Variants in GRM8 observed in about 807,000 individuals in gnomAD.
GRM8 encodes the protein metabotropic glutamate receptor 8.
A neutral mutation model predicts 87.2 loss-of-function variants in GRM8; 47 were observed. The ratio of observed to expected loss-of-function variants is 0.54; its 90% CI spans 0.43 to 0.69. The LOEUF (loss-of-function observed/expected upper bound fraction) is 0.69. GRM8 is among the 30% of genes least tolerant of loss of function. GRM8 has a pLI of 0.00. For missense variants in GRM8, 1,019 were observed against 1,139.2 expected, an observed-to-expected ratio of 0.89 and a Z score of 1.52; for synonymous variants, 396 against 404.5, an observed-to-expected ratio of 0.98 and a Z score of 0.25.
chr7:126,714,815 G>GAT (rs1453707895), intron 7 of GRM8, among the ~76,000 whole-genome samples: 3 of 151,684 alleles, frequency 2.0e-5, no homozygotes, highest in Admixed American at 6.6e-5. Context: ...TATTTTATAT[G>GAT]ATATATATGT....
chr7:126,674,848 T>G (rs1050657902), intron 7 of GRM8, among the ~76,000 whole-genome samples: 5 of 152,136 alleles, frequency 3.3e-5, no homozygotes, highest in Non-Finnish European at 7.4e-5. Flanking sequence ...GAATCAGAAT[T>G]CTGGTCACAT....
At chr7:127,072,910 A>T (rs1368451458) in intron 3 of GRM8, among the ~76,000 whole-genome samples, 1 of 151,910 alleles carries the variant, frequency 6.6e-6, no homozygotes, top group Non-Finnish European at 1.5e-5. Context: ...AGGCACCAGG[A>T]GAGACAAAGC....
chr7:126,601,074 C>T (rs1797701970), intron 8 of GRM8, among the ~76,000 whole-genome samples: 1 of 149,030 alleles, frequency 6.7e-6, no homozygotes, highest in Non-Finnish European at 1.5e-5. Context: ...AATGCTATCC[C>T]TCTCCCCTCC....
chr7:126,916,688 C>T (rs73723525), intron 3 of GRM8, among the ~76,000 whole-genome samples: 2,610 of 152,288 alleles, frequency 0.017, 66 homozygotes, highest in African/African-American at 0.059. Flanking sequence ...TCAACAGATA[C>T]AGTGGCTGAG....
rs1288839999 is a variant in GRM8 at position 126,566,659 on chromosome 7, C to T, written c.1495-32772G>A. Among the ~76,000 whole-genome samples the T allele has an allele frequency of 2.6e-5, 4 of 152,060 alleles. No homozygotes were observed. In the East Asian group the frequency reaches 7.7e-4, roughly 29 times the overall value. ...GGTAAAAATAGAACTACCCCATGAC[C>T]CAGCAGTCTCCCTTCTGAGTATTTA... On this transcript the variant is annotated intron_variant, in intron 8 of 10. Coordinates refer to ENST00000339582, the MANE Select transcript of GRM8 (RefSeq NM_000845.3).
chr7:126,864,120 C>A (rs989428865), intron 6 of GRM8, among the ~76,000 whole-genome samples: 17 of 150,508 alleles, frequency 1.1e-4, no homozygotes, highest in African/African-American at 4.2e-4. Flanking sequence ...ATCCTCCTGC[C>A]TCAGCCTCCC....
rs551879546 is a variant in GRM8, at chr7:126,659,060, A to G, written c.1358-49562T>C. ...CCCCCCGCCCCGCCCCCAGGTTCAG[A>G]GGCCTAAGTAAACTAACTTACCTTG... On this transcript the variant is annotated intron_variant, in intron 7 of 10. Coordinates refer to ENST00000339582, the MANE Select transcript of GRM8 (RefSeq NM_000845.3). 3.0e-5 allele frequency among the ~76,000 whole-genome samples: 4 copies of G among 132,232 alleles called. No homozygotes were observed. In the South Asian group the frequency reaches 8.6e-4, roughly 28 times the overall value. 86.7% of individuals were successfully genotyped at this position (132,232 alleles called of 152,430 possible).
intron 3 of GRM8, among the ~76,000 whole-genome samples, chr7:126,970,285 A>T (rs763809923): frequency 6.6e-6 from 1 of 152,166 alleles, no homozygotes; most frequent in Non-Finnish European, 1.5e-5. Flanking sequence ...AACATCTTCC[A>T]ATAGAAGGCT....
At position 126,797,151 on chromosome 7, in the gene GRM8, T is replaced by C. The variant is rs552941665; in HGVS notation, c.1157-27086A>G. On this transcript the variant is annotated intron_variant, in intron 6 of 10. Coordinates refer to ENST00000339582, the MANE Select transcript of GRM8 (RefSeq NM_000845.3). ...TTCCTATCCCCACCCTATGAGTTAT[T>C]ATCAGACTTGCAGTTCATTAATTCT... 2.0e-5 allele frequency among the ~76,000 whole-genome samples: 3 copies of C among 152,252 alleles called. No homozygotes were observed. The South Asian group carries it at 6.2e-4, about 32-fold the overall frequency.
intron 2 of GRM8, among the ~76,000 whole-genome samples, chr7:127,137,098 TA>T (rs1827983487): frequency 6.6e-6 from 1 of 152,138 alleles, no homozygotes; most frequent in African/African-American, 2.4e-5. Flanking sequence ...AAAAACCAGC[TA>T]TGTGATCTTG....
Position 127,144,970 on chromosome 7 carries a change from GCATCTTTTCCCC to G in GRM8, c.511-38270_511-38259del, listed in dbSNP as rs1828473617. On this transcript the variant is annotated intron_variant, in intron 2 of 10. Transcript: ENST00000339582. ...ATGCTCTTATGTTTCTTTAATATAT[GCATCTTTTCCCC>G]AAAATATTTGCATTAAGTCGACAAA... Among the ~76,000 whole-genome samples the G allele has an allele frequency of 3.3e-5, 5 of 152,118 alleles. No individual in the cohort carries two copies. The South Asian group carries it at 1.0e-3, about 32-fold the overall frequency.
intron 3 of GRM8, among the ~76,000 whole-genome samples, chr7:126,954,991 T>C (rs1022378672): frequency 3.9e-5 from 6 of 152,216 alleles, no homozygotes; most frequent in Non-Finnish European, 8.8e-5. Context: ...TAATAATTAC[T>C]GTCAGGCTTC....
intron 7 of GRM8, among the ~76,000 whole-genome samples, chr7:126,712,784 A>T (rs1811246180): frequency 6.6e-6 from 1 of 152,220 alleles, no homozygotes; most frequent in Non-Finnish European, 1.5e-5. Flanking sequence ...TGGGCAAAGG[A>T]TATGAATAGA....
At chr7:127,249,529 C>A (rs1481213889) in intron 1 of GRM8, among the ~76,000 whole-genome samples, 1 of 152,142 alleles carries the variant, frequency 6.6e-6, no homozygotes, top group Non-Finnish European at 1.5e-5. Context: ...CAAATCATTC[C>A]AACAGCATTG....
chr7:126,717,489 T>C (rs903517314), intron 7 of GRM8, among the ~76,000 whole-genome samples: 1 of 152,090 alleles, frequency 6.6e-6, no homozygotes, highest in African/African-American at 2.4e-5. Context: ...CATACAACTA[T>C]GGACTTTGGG....
intron 8 of GRM8, among the ~76,000 whole-genome samples, chr7:126,549,567 C>T (rs983985765): frequency 7.2e-5 from 11 of 152,058 alleles, no homozygotes; most frequent in African/African-American, 2.7e-4. Context: ...TATGTTTATA[C>T]ATATATTTCT....
intron 7 of GRM8, among the ~76,000 whole-genome samples, chr7:126,652,021 C>T (rs546637036): frequency 2.6e-4 from 39 of 152,340 alleles, no homozygotes; most frequent in Non-Finnish European, 3.5e-4. Context: ...TCAATACCAG[C>T]TACGACCATG....
Position 126,438,947 on chromosome 7 carries a change from T to A in GRM8, c.*172A>T. 1 of 570,406 alleles carries A rather than the reference T, an allele frequency of 1.8e-6. No homozygotes were observed. The highest frequency in any genetic ancestry group is 3.2e-6 in the Non-Finnish European group (1 of 317,296). The allele number at this position is 570,406 out of a possible 1,614,324, so 35.3% of individuals were successfully genotyped here. On this transcript the variant is annotated 3_prime_UTR_variant, in exon 11 of 11. Transcript: ENST00000339582. ...TATTGTATAAAACGGGTTTCTTCAC[T>A]CCCCGTTTATTGATACTTTTGGCTC...
intron 3 of GRM8, among the ~76,000 whole-genome samples, chr7:127,068,528 G>C (rs17865397): frequency 0.01 from 1,580 of 152,240 alleles, 29 homozygotes; most frequent in African/African-American, 0.036. Flanking sequence ...TCAGGTTGAG[G>C]GAAAACCTTC....
Sources: allele counts gnomAD v4.1 joint callset (sites outside exome capture counted in the v4.1 genomes callset), GRCh38; gene constraint gnomAD v4.1.1; transcripts MANE v1.5; gene names NCBI Gene and HGNC (gene_info 2026-07-23, HGNC 2026-07-21).